TTLL7: variants seen among roughly 807,000 people sequenced by gnomAD.
TTLL7 encodes tubulin tyrosine ligase like 7.
A neutral mutation model predicts 120.2 loss-of-function variants in TTLL7; 53 were observed. The observed-to-expected ratio is 0.44, with a 90% CI of 0.35 to 0.55. TTLL7 has a LOEUF of 0.55. Ranked by LOEUF, TTLL7 falls within the 20% of genes least tolerant of loss-of-function variation. The pLI is 0.00. For synonymous variants in TTLL7, 353 were observed against 351.7 expected, an observed-to-expected ratio of 1.00 and a Z score of -0.04; for missense variants, 803 against 1,054.7, an observed-to-expected ratio of 0.76 and a Z score of 3.31.
intron 19 of TTLL7, among the ~76,000 whole-genome samples, chr1:83,886,563 C>T (rs1001760278): frequency 3.3e-5 from 5 of 152,002 alleles, no homozygotes; most frequent in South Asian, 2.1e-4. Context: ...AAATAGACTA[C>T]GCCTTAGAAT....
intron 17 of TTLL7, among the ~76,000 whole-genome samples, chr1:83,904,549 C>A (rs1657022053): frequency 6.6e-6 from 1 of 152,048 alleles, no homozygotes; most frequent in African/African-American, 2.4e-5. Context: ...GCACAAGAAT[C>A]ACTTGAATCC....
At chr1:83,904,360 C>T (rs1657007895) in intron 17 of TTLL7, among the ~76,000 whole-genome samples, 1 of 152,104 alleles carries the variant, frequency 6.6e-6, no homozygotes. Context: ...AGAATACAAT[C>T]TCTGTGGCCC....
chr1:83,866,591 T>C lies in TTLL7; in HGVS notation c.*3371A>G, dbSNP rs1217259366. On this transcript the variant is annotated 3_prime_UTR_variant, in exon 21 of 21. Coordinates refer to ENST00000260505, the MANE Select transcript of TTLL7 (RefSeq NM_024686.6). ...AACTGTTTGTATATTTAGAAATAAT[T>C]TTGACCTATGATAAAATTTGTATAG... The C allele has an allele frequency of 6.6e-6, 1 of 151,872 alleles. No homozygotes were observed. The highest frequency in any genetic ancestry group is 1.9e-4 in the East Asian group (1 of 5,192). 9.4% of individuals were successfully genotyped at this position (151,872 alleles called of 1,614,324 possible). A position where few individuals can be genotyped will look rare whatever the true frequency, so the allele number is the denominator to read the frequency against.
intron 18 of TTLL7, among the ~76,000 whole-genome samples, chr1:83,892,319 AATATATATGTATATATGAAT>A (rs1557562053): frequency 7.9e-5 from 3 of 38,120 alleles, no homozygotes; most frequent in Non-Finnish European, 1.2e-4. Context: ...AATATATATG[AATATATATGTATATATGAAT>A]ATATATACGA....
At chr1:83,884,648 T>G (rs1378186889) in intron 19 of TTLL7, among the ~76,000 whole-genome samples, 2 of 144,972 alleles carry the variant, frequency 1.4e-5, no homozygotes, top group African/African-American at 2.6e-5. Context: ...CTGCATGTTC[T>G]CACTCATAGG....
chr1:83,983,050 G>A (rs1346558188), intron 1 of TTLL7, among the ~76,000 whole-genome samples: 1 of 152,194 alleles, frequency 6.6e-6, no homozygotes, highest in East Asian at 1.9e-4. Context: ...GCAATAAGGG[G>A]CCAGGCAATA....
intron 20 of TTLL7, among the ~76,000 whole-genome samples, chr1:83,871,305 T>C (rs939344790): frequency 5.3e-5 from 8 of 152,160 alleles, no homozygotes; most frequent in Admixed American, 1.3e-4. Context: ...AAGTGAAAGA[T>C]TGTGCACCTG....
chr1:83,865,836 G>A lies in TTLL7; in HGVS notation c.*4126C>T, dbSNP rs1652877957. ...AGAATTTCTCTTTTCTTGAGGCTTT[G>A]TTAATACAAAGGTCAAAATTTCACC... On this transcript the variant is annotated 3_prime_UTR_variant, in exon 21 of 21. Coordinates refer to ENST00000260505, the MANE Select transcript of TTLL7 (RefSeq NM_024686.6). 6.6e-6 allele frequency: 1 copy of A among 151,898 alleles called. No individual in the cohort carries two copies. The highest frequency in any genetic ancestry group is 6.6e-5 in the Admixed American group (1 of 15,254). 9.4% of individuals were successfully genotyped at this position (151,898 alleles called of 1,614,324 possible).
intron 7 of TTLL7, among the ~76,000 whole-genome samples, chr1:83,941,549 T>C (rs925195545): frequency 6.6e-5 from 10 of 152,240 alleles, no homozygotes; most frequent in Non-Finnish European, 1.5e-4. Context: ...TCAGCCATTA[T>C]TTAATGTTGA....
At chr1:83,888,253 A>G (rs189400851) in intron 19 of TTLL7, among the ~76,000 whole-genome samples, 5 of 152,144 alleles carry the variant, frequency 3.3e-5, no homozygotes. Flanking sequence ...ACAGAAAAAA[A>G]ACATTTCCAT....
intron 1 of TTLL7, among the ~76,000 whole-genome samples, chr1:83,965,365 T>G (rs1650361000): frequency 1.3e-5 from 2 of 152,030 alleles, no homozygotes; most frequent in Non-Finnish European, 2.9e-5. Context: ...GTTTAGAAGT[T>G]CCTCCTTTGT....
At chr1:83,997,726 CTAAG>C (rs1653614450) in intron 1 of TTLL7, among the ~76,000 whole-genome samples, 1 of 152,148 alleles carries the variant, frequency 6.6e-6, no homozygotes, top group African/African-American at 2.4e-5. Flanking sequence ...ACCTCATGAA[CTAAG>C]TAACTATTAT....
intron 14 of TTLL7, among the ~76,000 whole-genome samples, chr1:83,916,228 C>T (rs1190283761): frequency 1.3e-5 from 2 of 152,102 alleles, no homozygotes; most frequent in Non-Finnish European, 2.9e-5. Flanking sequence ...ATAGCAAAGA[C>T]TTGGAACCAA....
chr1:83,974,012 G>T (rs1363788519), intron 1 of TTLL7, among the ~76,000 whole-genome samples: 1 of 151,912 alleles, frequency 6.6e-6, no homozygotes, highest in Admixed American at 6.6e-5. Flanking sequence ...GATTTTTGCG[G>T]TTCACTCTAT....
At chr1:83,875,632 G>A (rs1417679784) in intron 20 of TTLL7, among the ~76,000 whole-genome samples, 2 of 151,878 alleles carry the variant, frequency 1.3e-5, no homozygotes, top group African/African-American at 2.4e-5. Context: ...CAGGGTAAGA[G>A]AGTTCCTATT....
chr1:83,937,261 T>C (rs1366011310), intron 8 of TTLL7, among the ~76,000 whole-genome samples: 1 of 151,802 alleles, frequency 6.6e-6, no homozygotes, highest in Non-Finnish European at 1.5e-5. Flanking sequence ...TGGAGTGTAG[T>C]GGCACAATCT....
chr1:83,900,524 T>C (rs1355070284), intron 18 of TTLL7, among the ~76,000 whole-genome samples: 1 of 151,940 alleles, frequency 6.6e-6, no homozygotes, highest in African/African-American at 2.4e-5. Flanking sequence ...GAAGGGATTC[T>C]AGTCAGCAAG....
At chr1:83,874,340 T>C (rs1653713829) in intron 20 of TTLL7, among the ~76,000 whole-genome samples, 1 of 152,132 alleles carries the variant, frequency 6.6e-6, no homozygotes, top group African/African-American at 2.4e-5. Context: ...TATTCTATTA[T>C]ATGTGTATAC....
rs749789945 is a variant in TTLL7 at position 83,883,143 on chromosome 1, G to T, written c.2370-7C>A. On this transcript the variant is annotated splice_polypyrimidine_tract_variant and splice_region_variant and intron_variant, in intron 19 of 20. Coordinates refer to ENST00000260505, the MANE Select transcript of TTLL7 (RefSeq NM_024686.6). ...TATACTCTCCCAAGAGGATCTGTTG[G>T]CATGGAAACAGACATGATCTCATGT... is the stretch of plus-strand genomic sequence containing the variant. The T allele has an allele frequency of 6.3e-7, 1 of 1,575,078 alleles. No homozygotes were observed. Among genetic ancestry groups the T allele is most frequent in the Non-Finnish European group, 8.6e-7 (1 of 1,159,214 alleles).
Sources: allele counts gnomAD v4.1 joint callset (sites outside exome capture counted in the v4.1 genomes callset), GRCh38; gene constraint gnomAD v4.1.1; transcripts MANE v1.5; gene names NCBI Gene and HGNC (gene_info 2026-07-23, HGNC 2026-07-21).